RAB3GAP1: variants seen among roughly 807,000 people sequenced by gnomAD.
RAB3GAP1 encodes rab3 GTPase-activating protein catalytic subunit.
Under a neutral mutation model 130.7 loss-of-function variants are expected in RAB3GAP1, and 86 were observed. The ratio of observed to expected loss-of-function variants is 0.66; its 90% CI spans 0.55 to 0.79. The LOEUF is 0.79. Among genes scored for constraint, RAB3GAP1 ranks in the 30% least tolerant of loss-of-function variants. The pLI is 0.00. For missense variants in RAB3GAP1, 1,029 were observed against 1,169.4 expected (o/e 0.88, Z 1.75); for synonymous variants, 367 against 401.7 (o/e 0.91, Z 1.03).
At chr2:135,113,858 G>A (rs941607283) in intron 6 of RAB3GAP1, among the ~76,000 whole-genome samples, 2 of 152,004 alleles carry the variant, frequency 1.3e-5, no homozygotes, top group African/African-American at 4.8e-5. Flanking sequence ...TCCTGTCTCA[G>A]CCTCCCGAGT....
intron 17 of RAB3GAP1, among the ~76,000 whole-genome samples, chr2:135,149,187 A>C (rs1692093205): frequency 6.6e-6 from 1 of 152,174 alleles, no homozygotes; most frequent in African/African-American, 2.4e-5. Context: ...CTGTAGGCCA[A>C]TGAAATGTAG....
downstream of RAB3GAP1, among the ~76,000 whole-genome samples, chr2:135,171,124 A>G (rs939690322): frequency 1.3e-5 from 2 of 151,932 alleles, no homozygotes; most frequent in Non-Finnish European, 2.9e-5. Context: ...GAATGGGCAA[A>G]ATCCCAGAAA....
intron 3 of RAB3GAP1, among the ~76,000 whole-genome samples, chr2:135,088,908 G>A (rs1376390402): frequency 6.6e-6 from 1 of 151,974 alleles, no homozygotes; most frequent in Non-Finnish European, 1.5e-5. Flanking sequence ...AAGCTCTTTA[G>A]TTTAATTAGA....
intron 3 of RAB3GAP1, among the ~76,000 whole-genome samples, chr2:135,068,125 T>C (rs1313699627): frequency 6.6e-6 from 1 of 152,156 alleles, no homozygotes; most frequent in Non-Finnish European, 1.5e-5. Context: ...TAACACTCTA[T>C]TGCAATAAAA....
At chr2:135,115,478 A>G in intron 7 of RAB3GAP1, 97 bp downstream of exon 7, 1 of 1,224,662 alleles carries the variant, frequency 8.2e-7, no homozygotes, top group Non-Finnish European at 1.1e-6. Context: ...TCTCTATAAT[A>G]TTGATAATGT....
At chr2:135,080,273 C>T (rs970884889) in intron 3 of RAB3GAP1, among the ~76,000 whole-genome samples, 6 of 152,168 alleles carry the variant, frequency 3.9e-5, no homozygotes, top group African/African-American at 9.7e-5. Flanking sequence ...TTAATTCATA[C>T]AGTCTGCTTT....
chr2:135,094,089 A>G (rs1418401681), intron 5 of RAB3GAP1, among the ~76,000 whole-genome samples: 8 of 152,204 alleles, frequency 5.3e-5, no homozygotes, highest in African/African-American at 1.7e-4. Context: ...CCAGAAGGAA[A>G]GCAGGTGTTC....
intron 7 of RAB3GAP1, among the ~76,000 whole-genome samples, chr2:135,117,738 G>GCTT (rs1227958114): frequency 2.1e-4 from 11 of 52,360 alleles, no homozygotes; most frequent in South Asian, 6.6e-4. Context: ...TTCTTCTTCT[G>GCTT]CTTCTTCTTC....
At chr2:135,059,342 T>C (rs993808102) in intron 3 of RAB3GAP1, among the ~76,000 whole-genome samples, 16 of 152,148 alleles carry the variant, frequency 1.1e-4, no homozygotes, top group Admixed American at 7.9e-4. Context: ...CGGGTACTTA[T>C]GAGCTCTGAT....
chr2:135,096,928 T>TA (rs1690313472), intron 5 of RAB3GAP1, among the ~76,000 whole-genome samples: 1 of 152,170 alleles, frequency 6.6e-6, no homozygotes, highest in Non-Finnish European at 1.5e-5. Flanking sequence ...GTCAAAATAT[T>TA]AAATGAAGTA....
At chr2:135,093,300 G>A (rs1235165072) in intron 4 of RAB3GAP1, among the ~76,000 whole-genome samples, 3 of 152,174 alleles carry the variant, frequency 2.0e-5, no homozygotes, top group Admixed American at 6.5e-5. Flanking sequence ...GAAAAGTAGA[G>A]GCAAGGACAG....
At chr2:135,135,373 T>G in intron 16 of RAB3GAP1, 54 bp downstream of exon 16, 1 of 1,522,704 alleles carries the variant, frequency 6.6e-7, no homozygotes, top group Non-Finnish European at 9.1e-7. Flanking sequence ...ATCAGATTAT[T>G]CTAATACTAA....
At chr2:135,079,235 C>G (rs553810916) in intron 3 of RAB3GAP1, among the ~76,000 whole-genome samples, 1 of 152,286 alleles carries the variant, frequency 6.6e-6, no homozygotes, top group South Asian at 2.1e-4. Flanking sequence ...ATCCTCCCAT[C>G]TTGGCCTCCC....
chr2:135,140,521 G>T (rs904690117), intron 17 of RAB3GAP1, among the ~76,000 whole-genome samples: 6 of 152,152 alleles, frequency 3.9e-5, no homozygotes, highest in African/African-American at 1.4e-4. Flanking sequence ...AAGAGAAAAG[G>T]CACATGGGAT....
At chr2:135,081,857 T>C (rs1044831936) in intron 3 of RAB3GAP1, among the ~76,000 whole-genome samples, 16 of 152,084 alleles carry the variant, frequency 1.1e-4, no homozygotes, top group Admixed American at 6.6e-4. Context: ...TATTTTTAAT[T>C]GGGCTGGGTG....
downstream of RAB3GAP1, among the ~76,000 whole-genome samples, chr2:135,174,491 A>G (rs1692949320): frequency 6.6e-6 from 1 of 152,106 alleles, no homozygotes; most frequent in Non-Finnish European, 1.5e-5. Context: ...TCCTCTACAG[A>G]CACCTTTGCT....
In RAB3GAP1 at chr2:135,126,647, T is replaced by C; in HGVS notation, c.964T>C (p.Cys322Arg). The part of the protein sequence containing the change: ...VRVRKAENPQ[C>R]LLGDFVTEFF... Reference sequence around the variant, plus strand: ...AGTTCGAAAAGCTGAGAATCCTCAGTGTTTGCTAGGTAAGGTATATTATGC... The same window carrying C: ...AGTTCGAAAAGCTGAGAATCCTCAGCGTTTGCTAGGTAAGGTATATTATGC... Residue 322 changes from cysteine (C) to arginine (R), a missense_variant, in exon 11 of 24, where the codon TGT (cysteine) becomes CGT (arginine). Physicochemically the swap from Cys to Arg is radical, Grantham distance 180. Transcript: ENST00000264158. 1 of 1,610,882 alleles carries C rather than the reference T, an allele frequency of 6.2e-7. No individual in the cohort carries two copies. Among genetic ancestry groups the C allele is most frequent in the Non-Finnish European group, 8.5e-7 (1 of 1,177,126 alleles).
intron 3 of RAB3GAP1, among the ~76,000 whole-genome samples, chr2:135,077,746 A>C (rs1409670076): frequency 1.3e-5 from 2 of 152,316 alleles, no homozygotes; most frequent in East Asian, 3.9e-4. Flanking sequence ...AATAATGATC[A>C]TTCTAATGAG....
At chr2:135,067,507 T>A (rs1403635073) in intron 3 of RAB3GAP1, among the ~76,000 whole-genome samples, 2 of 152,240 alleles carry the variant, frequency 1.3e-5, no homozygotes, top group Non-Finnish European at 2.9e-5. Context: ...TTGGAAGTTT[T>A]GGGAATCTTG....
Sources: allele counts gnomAD v4.1 joint callset (sites outside exome capture counted in the v4.1 genomes callset), GRCh38; gene constraint gnomAD v4.1.1; transcripts MANE v1.5; gene names NCBI Gene and HGNC (gene_info 2026-07-23, HGNC 2026-07-21).